Variants in ACOXL observed in about 807,000 individuals in gnomAD.
The protein encoded by ACOXL is acyl-CoA oxidase like.
ACOXL carries 70 observed loss-of-function variants against 71.9 expected under a neutral mutation model. That is an observed-to-expected ratio of 0.97 (90% CI 0.80 to 1.19). The LOEUF (loss-of-function observed/expected upper bound fraction) is 1.19. ACOXL is among the 50% of genes most tolerant of loss of function. ACOXL has a pLI of 0.00. For missense variants in ACOXL, 703 were observed against 736.3 expected (o/e 0.95, Z 0.52); for synonymous variants, 253 against 281.6 (o/e 0.90, Z 1.02).
At position 110,788,789 on chromosome 2, in the gene ACOXL, A is replaced by G. The variant is rs868394172; in HGVS notation, c.159+3974A>G. ...GAAACTATAGACTGTGCAGCCCCCA[A>G]GTCCTGACCAGGAGGACCATGGCTG... On this transcript the variant is annotated intron_variant, in intron 3 of 17. Transcript: ENST00000439055. Among the ~76,000 whole-genome samples the G allele has an allele frequency of 2.1e-4, 32 of 152,348 alleles. No individual in the cohort carries two copies. The Middle Eastern group carries it at 0.014, about 65-fold the overall frequency.
At chr2:110,852,982 A>G (rs1484403125) in intron 10 of ACOXL, among the ~76,000 whole-genome samples, 2 of 152,118 alleles carry the variant, frequency 1.3e-5, no homozygotes, top group Non-Finnish European at 2.9e-5. Flanking sequence ...AGTCACATTT[A>G]TACACTCACA....
chr2:110,860,394 C>T (rs1280445117), intron 10 of ACOXL, among the ~76,000 whole-genome samples: 1 of 152,218 alleles, frequency 6.6e-6, no homozygotes, highest in Non-Finnish European at 1.5e-5. Flanking sequence ...TACAGGATTA[C>T]AGGCATGAGC....
At chr2:110,832,171 A>G (rs1166019857) in intron 9 of ACOXL, among the ~76,000 whole-genome samples, 1 of 152,152 alleles carries the variant, frequency 6.6e-6, no homozygotes, top group Non-Finnish European at 1.5e-5. Context: ...TCTCACTAAA[A>G]AGGAGAAACT....
intron 16 of ACOXL, among the ~76,000 whole-genome samples, chr2:111,086,942 C>A (rs528406181): frequency 6.6e-6 from 1 of 152,154 alleles, no homozygotes; most frequent in Non-Finnish European, 1.5e-5. Context: ...AGCTAATAAA[C>A]AACTTCAGCA....
chr2:111,007,759 C>A (rs72834595), intron 14 of ACOXL, among the ~76,000 whole-genome samples: 13,317 of 152,162 alleles, frequency 0.088, 723 homozygotes, highest in East Asian at 0.22. Flanking sequence ...TGCTTCTAGG[C>A]CTACCCAAAG....
rs17481906 is a variant in ACOXL at position 110,996,017 on chromosome 2, T to C, written c.1281+13T>C. ...AATTTATTATAAGGTAAAGATACAC[T>C]GTGTTATATTTTTCCTTTTGACATG... is the stretch of plus-strand genomic sequence containing the variant. On this transcript the variant is annotated intron_variant, in intron 14 of 17. Transcript: ENST00000439055. 37,381 of 1,571,858 alleles carry C rather than the reference T, an allele frequency of 0.024. 624 individuals are homozygous for C. The highest frequency in any genetic ancestry group is 0.047 in the South Asian group (4,294 of 90,670).
At chr2:110,882,299 AT>A (rs1696755185) in intron 10 of ACOXL, among the ~76,000 whole-genome samples, 1 of 152,042 alleles carries the variant, frequency 6.6e-6, no homozygotes, top group Non-Finnish European at 1.5e-5. Context: ...ATCTTTCACC[AT>A]TTAAAAAAAA....
intron 16 of ACOXL, among the ~76,000 whole-genome samples, chr2:111,073,967 T>C (rs1162972680): frequency 6.6e-6 from 1 of 152,212 alleles, no homozygotes; most frequent in Non-Finnish European, 1.5e-5. Context: ...TTTGTAGATT[T>C]ATAACTAAAT....
chr2:110,790,875 T>C (rs891458590), intron 3 of ACOXL, among the ~76,000 whole-genome samples: 3 of 152,228 alleles, frequency 2.0e-5, no homozygotes, highest in African/African-American at 7.2e-5. Context: ...CTCCATCTTC[T>C]TGGAAACTCA....
At chr2:110,764,756 A>G (rs543214285) in intron 1 of ACOXL, among the ~76,000 whole-genome samples, 85 of 152,300 alleles carry the variant, frequency 5.6e-4, no homozygotes, top group Non-Finnish European at 9.7e-4. Context: ...GGCAGGAACT[A>G]TATGGGAAAT....
chr2:110,856,959 C>G (rs1693330978), intron 10 of ACOXL, among the ~76,000 whole-genome samples: 1 of 152,218 alleles, frequency 6.6e-6, no homozygotes, highest in African/African-American at 2.4e-5. Flanking sequence ...GCTTTGGAGT[C>G]TTATTCATTC....
chr2:110,737,133 T>G (rs938230946), intron 1 of ACOXL, among the ~76,000 whole-genome samples: 2 of 152,274 alleles, frequency 1.3e-5, no homozygotes, highest in African/African-American at 4.8e-5. Context: ...AATTGAATTC[T>G]TATTTTCATT....
At chr2:111,048,497 C>T (rs564593053) in intron 15 of ACOXL, among the ~76,000 whole-genome samples, 1 of 152,248 alleles carries the variant, frequency 6.6e-6, no homozygotes, top group South Asian at 2.1e-4. Flanking sequence ...TACAGGAGGG[C>T]AGTCTGTGAC....
intron 10 of ACOXL, among the ~76,000 whole-genome samples, chr2:110,862,336 C>T (rs1340116266): frequency 6.6e-6 from 1 of 152,192 alleles, no homozygotes; most frequent in Non-Finnish European, 1.5e-5. Flanking sequence ...GAGCACGGAG[C>T]TGAGTGCAGT....
At chr2:110,850,570 A>G (rs1031598796) in intron 10 of ACOXL, among the ~76,000 whole-genome samples, 2 of 152,220 alleles carry the variant, frequency 1.3e-5, no homozygotes, top group African/African-American at 4.8e-5. Flanking sequence ...ATACCATTAC[A>G]TATATGTTAG....
At chr2:111,066,730 A>G (rs931077509) in intron 16 of ACOXL, among the ~76,000 whole-genome samples, 3 of 152,216 alleles carry the variant, frequency 2.0e-5, no homozygotes, top group Admixed American at 6.5e-5. Flanking sequence ...CAACAAAATC[A>G]GGGTTATTGT....
intron 10 of ACOXL, among the ~76,000 whole-genome samples, chr2:110,860,345 A>C (rs1810229): frequency 0.3 from 46,240 of 152,086 alleles, 7,358 homozygotes; most frequent in Non-Finnish European, 0.35. Context: ...TCCCGACCTC[A>C]AGTGATCCAT....
intron 14 of ACOXL, among the ~76,000 whole-genome samples, chr2:111,024,168 G>C (rs2064908837): frequency 6.6e-6 from 1 of 152,090 alleles, no homozygotes; most frequent in East Asian, 1.9e-4. Flanking sequence ...ACAAAGAAGG[G>C]CCAGGGCTCT....
intron 15 of ACOXL, among the ~76,000 whole-genome samples, chr2:111,046,201 C>T (rs1225021584): frequency 1.3e-5 from 2 of 152,232 alleles, no homozygotes; most frequent in Non-Finnish European, 2.9e-5. Context: ...TACACACAGC[C>T]TCACACCTGC....
Sources: gnomAD v4.1 joint callset for allele counts (sites outside exome capture counted in the v4.1 genomes callset) on GRCh38, gnomAD v4.1.1 for gene constraint, MANE v1.5 for transcripts, NCBI Gene and HGNC (gene_info 2026-07-23, HGNC 2026-07-21) for gene names.